Variants in SLC45A4 observed in about 807,000 individuals in gnomAD.
SLC45A4 encodes the protein solute carrier family 45 member 4.
In SLC45A4, 32 loss-of-function variants were observed where a neutral mutation model predicts 63.7. The ratio of observed to expected loss-of-function variants is 0.50; its 90% CI spans 0.38 to 0.67. The LOEUF is 0.67. Among genes scored for constraint, SLC45A4 ranks in the 30% least tolerant of loss-of-function variants. The pLI is 0.00. For missense variants in SLC45A4, 1,027 were observed against 1,157.7 expected, an observed-to-expected ratio of 0.89 and a Z score of 1.64; for synonymous variants, 535 against 510.0, an observed-to-expected ratio of 1.05 and a Z score of -0.66.
chr8:141,230,655 G>A (rs918899007), intron 2 of SLC45A4, among the ~76,000 whole-genome samples: 4 of 152,222 alleles, frequency 2.6e-5, no homozygotes, highest in Admixed American at 2.6e-4. Flanking sequence ...CGCACGCTGT[G>A]TCTGGGGACA....
intron 1 of SLC45A4, among the ~76,000 whole-genome samples, chr8:141,267,103 C>T (rs1434739520): frequency 1.3e-5 from 2 of 152,248 alleles, no homozygotes; most frequent in East Asian, 1.9e-4. Flanking sequence ...TGCCTGTGAA[C>T]GGCCAAATCT....
intron 1 of SLC45A4, among the ~76,000 whole-genome samples, chr8:141,266,529 T>C (rs1829275291): frequency 6.6e-6 from 1 of 152,182 alleles, no homozygotes; most frequent in Admixed American, 6.5e-5. Flanking sequence ...AACAGCAGCA[T>C]TGGCAATTCT....
chr8:141,262,112 T>G (rs13254964), intron 1 of SLC45A4, among the ~76,000 whole-genome samples: 104,011 of 150,136 alleles, frequency 0.69, 36,557 homozygotes, highest in East Asian at 0.86. Flanking sequence ...AACAAGAAAT[T>G]GGGAAAGGAT....
chr8:141,243,073 C>T (rs991095776), intron 2 of SLC45A4, among the ~76,000 whole-genome samples: 8 of 152,190 alleles, frequency 5.3e-5, no homozygotes, highest in Non-Finnish European at 7.3e-5. Flanking sequence ...ACTCCTGCTC[C>T]GGGGTCCCTC....
At chr8:141,288,134 G>A (rs1202272999) in intron 1 of SLC45A4, among the ~76,000 whole-genome samples, 9 of 152,098 alleles carry the variant, frequency 5.9e-5, no homozygotes, top group Admixed American at 5.9e-4. Flanking sequence ...CCATGATCCT[G>A]CCACTACACT....
Position 141,229,022 on chromosome 8 carries a change from G to A in SLC45A4, c.242-7257C>T, listed in dbSNP as rs1366192513. 6.6e-6 allele frequency among the ~76,000 whole-genome samples: 1 copy of A among 152,074 alleles called. No individual in the cohort carries two copies. ...GGCTGCACATCCCCGCCGTACACTT[G>A]TCTCCCCATCGGCTCCTCCCGCCCA... On this transcript the variant is annotated intron_variant, in intron 2 of 8. Transcript: ENST00000517878. The surrounding 1 kb of genome is among the most constrained non-coding windows in gnomAD (Gnocchi z 5.0).
intron 3 of SLC45A4, among the ~76,000 whole-genome samples, chr8:141,220,989 G>A (rs1302775603): frequency 4.6e-5 from 7 of 152,270 alleles, no homozygotes; most frequent in South Asian, 2.1e-4. Flanking sequence ...TCTGAGAAGC[G>A]TCCCGGGGCC....
intron 1 of SLC45A4, among the ~76,000 whole-genome samples, chr8:141,299,496 G>C (rs1589866962): frequency 6.6e-6 from 1 of 152,318 alleles, no homozygotes; most frequent in Non-Finnish European, 1.5e-5. Context: ...CACCAAATCA[G>C]AGCTGCCCTT....
At chr8:141,287,502 C>G (rs1346134691) in intron 1 of SLC45A4, among the ~76,000 whole-genome samples, 1 of 152,226 alleles carries the variant, frequency 6.6e-6, no homozygotes, top group African/African-American at 2.4e-5. Context: ...TCTGGAGTTT[C>G]CCATTTCCAT....
intron 2 of SLC45A4, among the ~76,000 whole-genome samples, chr8:141,231,633 C>CA (rs1827362631): frequency 6.6e-6 from 1 of 151,038 alleles, no homozygotes; most frequent in Non-Finnish European, 1.5e-5. Flanking sequence ...ATCTTCCAGA[C>CA]AAAGAACCCT....
intron 1 of SLC45A4, among the ~76,000 whole-genome samples, chr8:141,261,188 A>G (rs551329854): frequency 6.6e-6 from 1 of 152,354 alleles, no homozygotes; most frequent in South Asian, 2.1e-4. Context: ...CTTCATGCTA[A>G]AAGCTCTCAA....
intron 1 of SLC45A4, among the ~76,000 whole-genome samples, chr8:141,285,397 C>T (rs1158271603): frequency 2.0e-5 from 3 of 152,206 alleles, no homozygotes; most frequent in Admixed American, 1.3e-4. Flanking sequence ...TACACGGGTT[C>T]GACCTTCACT....
At chr8:141,260,049 G>A (rs1246236525) in intron 1 of SLC45A4, among the ~76,000 whole-genome samples, 5 of 152,258 alleles carry the variant, frequency 3.3e-5, no homozygotes, top group Non-Finnish European at 5.9e-5. Context: ...GCATGGCACC[G>A]GTGTCACCTG....
chr8:141,229,864 T>C lies in SLC45A4; in HGVS notation c.242-8099A>G, dbSNP rs1371986328. On this transcript the variant is annotated intron_variant, in intron 2 of 8. Coordinates refer to ENST00000517878, the MANE Select transcript of SLC45A4 (RefSeq NM_001286646.2). This position sits in a 1 kb window ranked among gnomAD's most constrained non-coding sequence, Gnocchi z 5.0. ...AGCTTGGGCTTTGAACGTGCTGCCC[T>C]GCATGTAAAGGGGCACGCTGGGAAA... Among the ~76,000 whole-genome samples, 1 of 152,150 alleles carries C rather than the reference T, an allele frequency of 6.6e-6. No individual in the cohort carries two copies. The highest frequency in any genetic ancestry group is 1.5e-5 in the Non-Finnish European group (1 of 68,034).
chr8:141,288,914 A>T (rs894362890), intron 1 of SLC45A4, among the ~76,000 whole-genome samples: 3 of 152,234 alleles, frequency 2.0e-5, no homozygotes, highest in Non-Finnish European at 2.9e-5. Context: ...CAGCAGAAGA[A>T]CTTGGGGAGC....
At chr8:141,290,599 A>C (rs1309465091) in intron 1 of SLC45A4, among the ~76,000 whole-genome samples, 2 of 152,218 alleles carry the variant, frequency 1.3e-5, no homozygotes, top group Admixed American at 1.3e-4. Flanking sequence ...GAAACACAAC[A>C]ACCCAGGCGT....
In SLC45A4 at chr8:141,227,552, A is replaced by G. The variant is rs946282763; in HGVS notation, c.242-5787T>C. On this transcript the variant is annotated intron_variant, in intron 2 of 8. Coordinates refer to ENST00000517878, the MANE Select transcript of SLC45A4 (RefSeq NM_001286646.2). The surrounding 1 kb of genome is among the most constrained non-coding windows in gnomAD (Gnocchi z 4.4). ...CTCTGATGAATTTAAGTCAAGGAAC[A>G]CTGTCAGGAGCCACTTCTGAAGGGC... is the stretch of plus-strand genomic sequence containing the variant. 1.7e-4 allele frequency among the ~76,000 whole-genome samples: 26 copies of G among 152,156 alleles called. No homozygotes were observed. The highest frequency in any genetic ancestry group is 6.3e-4 in the African/African-American group (26 of 41,432).
chr8:141,250,010 T>C (rs1424002655), intron 2 of SLC45A4, among the ~76,000 whole-genome samples: 6 of 152,368 alleles, frequency 3.9e-5, no homozygotes, highest in African/African-American at 1.2e-4. Context: ...AAGGTTACTT[T>C]CATCTGGTGA....
intron 2 of SLC45A4, chr8:141,253,221 GTGT>G (rs1828603425): frequency 2.5e-5 from 2 of 78,806 alleles, no homozygotes; most frequent in Non-Finnish European, 6.8e-5. Context: ...GCCCACCTGC[GTGT>G]CTGTGAATTT....
Sources: allele counts gnomAD v4.1 joint callset (sites outside exome capture counted in the v4.1 genomes callset), GRCh38; gene constraint gnomAD v4.1.1; non-coding constraint Gnocchi (gnomAD v3.1); transcripts MANE v1.5; gene names NCBI Gene and HGNC (gene_info 2026-07-23, HGNC 2026-07-21).